CCM2L: variants seen among roughly 807,000 people sequenced by gnomAD.
CCM2L encodes CCM2 like scaffold protein.
Under a neutral mutation model 54.1 loss-of-function variants are expected in CCM2L, and 36 were observed. The ratio of observed to expected loss-of-function variants is 0.67; its 90% CI spans 0.51 to 0.88. The LOEUF (loss-of-function observed/expected upper bound fraction) is 0.88. CCM2L is among the 40% of genes least tolerant of loss of function. The probability of loss-of-function intolerance (pLI) is 0.00; values close to 1 mark genes in which losing one functional copy is unlikely to be tolerated. For synonymous variants in CCM2L, 351 were observed against 359.3 expected (o/e 0.98, Z 0.26); for missense variants, 700 against 812.1 (o/e 0.86, Z 1.68).
rs559878581 is a variant in CCM2L at position 32,018,602 on chromosome 20, C to T, written c.467-341C>T. On this transcript the variant is annotated intron_variant, in intron 4 of 9. Transcript: ENST00000452892. ...AATCCAAGGGGGCGGTCCCTGAAAC[C>T]CGGGACTGGGTCCCCAGTTAAGGCT... 2.6e-5 allele frequency among the ~76,000 whole-genome samples: 4 copies of T among 152,018 alleles called. No homozygotes were observed. The South Asian group carries it at 8.3e-4, about 32-fold the overall frequency.
chr20:32,018,567 G>A (rs1351323809), intron 4 of CCM2L, among the ~76,000 whole-genome samples: 3 of 151,876 alleles, frequency 2.0e-5, no homozygotes, highest in Admixed American at 6.6e-5. Context: ...GAGGAGAGGC[G>A]GGAAGTCAGA....
intron 3 of CCM2L, 22 bp from the exon 4 acceptor site, chr20:32,017,957 C>A (rs1361522324): frequency 6.2e-7 from 1 of 1,613,312 alleles, no homozygotes; most frequent in Non-Finnish European, 8.5e-7. Flanking sequence ...CTCGGGAACT[C>A]GAGATCTGCC....
Position 32,029,817 on chromosome 20 carries a change from C to G in CCM2L, c.1381C>G (p.Arg461Gly), listed in dbSNP as rs78544950. ...AGGCCTGCTGAAGCTCTACGGAGAC[C>G]GGCGCAAGTTCCTCCTCCTTGGTGA... ...CTGLLKLYGDRRKFLLLGMRP... is the reference protein window; with the variant it reads ...CTGLLKLYGDGRKFLLLGMRP... Residue 461 changes from arginine (R) to glycine (G), a missense_variant, in exon 9 of 10, where the codon CGG becomes GGG. Physicochemically the swap from Arg to Gly is moderately radical, Grantham distance 125. Coordinates refer to ENST00000452892, the MANE Select transcript of CCM2L (RefSeq NM_001365692.1). The G allele has an allele frequency of 2.4e-4, 378 of 1,606,174 alleles. 1 individual carries two copies. The African/African-American group carries it at 4.8e-3, about 20-fold the overall frequency.
rs368794150 is a variant in CCM2L, at chr20:32,025,247, TTTTTC to T, written c.1070-594_1070-590del. 1.1e-3 allele frequency among the ~76,000 whole-genome samples: 161 copies of T among 151,528 alleles called. 1 individual carries two copies. The highest frequency in any genetic ancestry group is 3.3e-3 in the African/African-American group (138 of 41,362). ...CTTTCCTTTCCTCTTTCTTTCTTTCTTTTTCTTTTCTTTTCTTTTTCTTTTCTTTT... is the reference window on the plus strand; with the variant it reads ...CTTTCCTTTCCTCTTTCTTTCTTTCTTTTTCTTTTCTTTTTCTTTTCTTTT... On this transcript the variant is annotated intron_variant, in intron 6 of 9. Transcript: ENST00000452892.
In CCM2L at chr20:32,029,138, G is replaced by A. The variant is rs370885900; in HGVS notation, c.1263+14G>A. 42 of 1,613,970 alleles carry A rather than the reference G, an allele frequency of 2.6e-5. No individual in the cohort carries two copies. The highest frequency in any genetic ancestry group is 8.9e-5 in the East Asian group (4 of 44,874). On this transcript the variant is annotated intron_variant, in intron 8 of 9. Coordinates refer to ENST00000452892, the MANE Select transcript of CCM2L (RefSeq NM_001365692.1). ...TACATGGTCACGGTGAGCTGGGGCC[G>A]GTGGTGGGAATGGCACAAGCAAAAG...
At chr20:32,020,705 A>AT (rs1555868121) in intron 5 of CCM2L, among the ~76,000 whole-genome samples, 1 of 152,090 alleles carries the variant, frequency 6.6e-6, no homozygotes, top group Non-Finnish European at 1.5e-5. Flanking sequence ...GTTGGCTCTT[A>AT]TTTTTAAAAC....
intron 1 of CCM2L, 119 bp downstream of exon 1, chr20:32,010,603 A>G: frequency 1.1e-6 from 1 of 918,232 alleles, no homozygotes; most frequent in Non-Finnish European, 1.7e-6. Context: ...CTTTCTTCTC[A>G]TTTGGAAGTA....
intron 2 of CCM2L, among the ~76,000 whole-genome samples, chr20:32,015,660 G>C (rs1233543467): frequency 5.9e-5 from 9 of 152,222 alleles, no homozygotes; most frequent in Admixed American, 5.9e-4. Flanking sequence ...CAGTCTTTTT[G>C]ATAGTTCTTG....
At chr20:32,030,886 A>C in intron 9 of CCM2L, 115 bp from the exon 10 acceptor site, 1 of 941,622 alleles carries the variant, frequency 1.1e-6, no homozygotes, top group Non-Finnish European at 1.4e-6. Flanking sequence ...GGGCAAGGCC[A>C]CACAGCCAGT....
At chr20:32,029,881 C>A in intron 9 of CCM2L, 43 bp downstream of exon 9, 2 of 1,536,864 alleles carry the variant, frequency 1.3e-6, no homozygotes, top group South Asian at 1.2e-5. Flanking sequence ...AGGGCCCCTG[C>A]TTGGTCCATG....
chr20:32,017,977 A>C lies in CCM2L; in HGVS notation c.283-2A>C. ...GAACTCGAGATCTGCCCCTCCCTGC[A>C]GCAGCTGAAGGAGCTGCCGCTGAAG... is the stretch of plus-strand genomic sequence containing the variant. On this transcript the variant is annotated splice_acceptor_variant, in intron 3 of 9. Coordinates refer to ENST00000452892, the MANE Select transcript of CCM2L (RefSeq NM_001365692.1). LOFTEE classifies it high-confidence loss of function. The C allele has an allele frequency of 6.2e-7, 1 of 1,613,506 alleles. No homozygotes were observed. Among genetic ancestry groups the C allele is most frequent in the Non-Finnish European group, 8.5e-7 (1 of 1,179,854 alleles).
intron 7 of CCM2L, among the ~76,000 whole-genome samples, chr20:32,027,383 T>G (rs1290485104): frequency 6.6e-6 from 1 of 152,258 alleles, no homozygotes. Context: ...CGTTTGAACA[T>G]TGAACTTGCT....
chr20:32,028,965 G>C (rs376438393), intron 7 of CCM2L, 30 bp from the exon 8 acceptor site: 15 of 1,612,602 alleles, frequency 9.3e-6, no homozygotes, highest in Middle Eastern at 1.8e-4. Context: ...GGAGGGAGGC[G>C]AGTGAAGGCC....
At chr20:32,011,922 T>TA (rs2064698602) in intron 1 of CCM2L, among the ~76,000 whole-genome samples, 1 of 151,398 alleles carries the variant, frequency 6.6e-6, no homozygotes, top group South Asian at 2.1e-4. Flanking sequence ...TACACACACA[T>TA]ACGCAAGACA....
chr20:32,013,812 A>G (rs796926495), intron 1 of CCM2L, among the ~76,000 whole-genome samples: 24 of 152,242 alleles, frequency 1.6e-4, no homozygotes, highest in African/African-American at 5.3e-4. Flanking sequence ...GCAGTCTCAC[A>G]CTTGAGCATG....
chr20:32,025,347 C>T (rs553378015), intron 6 of CCM2L, among the ~76,000 whole-genome samples: 2 of 151,698 alleles, frequency 1.3e-5, no homozygotes, highest in Non-Finnish European at 2.9e-5. Flanking sequence ...CGGCTCTCTG[C>T]AGCCTCGACC....
rs1022959757 is a variant in CCM2L, at chr20:32,031,574, C to G, written c.*260C>G. On this transcript the variant is annotated 3_prime_UTR_variant, in exon 10 of 10. Transcript: ENST00000452892. ...GCTCTGCCGGGCTGGGGCTGAGCAG[C>G]GATCCTGCTTTGTCCCAGAAGTCCA... The G allele has an allele frequency of 7.2e-6, 2 of 277,438 alleles. No homozygotes were observed. The highest frequency in any genetic ancestry group is 7.0e-6 in the Non-Finnish European group (1 of 143,138). The allele number at this position is 277,438 out of a possible 1,614,324, so 17.2% of individuals were successfully genotyped here.
rs1240075377 is a variant in CCM2L, at chr20:32,022,640, T to TC, written c.934-19dup. Reference sequence around the variant, plus strand: ...GTCATTGGTGAGGACCTGAGCTCTCTCTCCTCCTCCCTGGGCCAGGACGCT... The same window carrying TC: ...GTCATTGGTGAGGACCTGAGCTCTCTCCTCCTCCTCCCTGGGCCAGGACGCT... On this transcript the variant is annotated intron_variant, in intron 5 of 9. Transcript: ENST00000452892. 4 of 1,613,160 alleles carry TC rather than the reference T, an allele frequency of 2.5e-6. No individual in the cohort carries two copies. The Admixed American group carries it at 5.0e-5, about 20-fold the overall frequency.
chr20:32,021,267 G>A (rs1348025077), intron 5 of CCM2L, among the ~76,000 whole-genome samples: 1 of 152,162 alleles, frequency 6.6e-6, no homozygotes, highest in African/African-American at 2.4e-5. Context: ...TTCCTCTGTG[G>A]CTGGAAATAG....
Sources: gnomAD v4.1 joint callset for allele counts (sites outside exome capture counted in the v4.1 genomes callset) on GRCh38, gnomAD v4.1.1 for gene constraint, MANE v1.5 for transcripts, NCBI Gene and HGNC (gene_info 2026-07-23, HGNC 2026-07-21) for gene names.